The following BDP1 variants were observed in gnomAD, a reference collection of about 807,000 sequenced individuals.
BDP1 encodes BDP1 general transcription factor IIIB subunit, also known as transcription factor TFIIIB component B'' homolog.
In BDP1, 169 loss-of-function variants were observed where a neutral mutation model predicts 266.6. The observed-to-expected ratio is 0.63, with a 90% CI of 0.56 to 0.72. The LOEUF (loss-of-function observed/expected upper bound fraction) is 0.72. BDP1 is among the 30% of genes least tolerant of loss of function. The pLI is 0.00. For synonymous variants in BDP1, 1,090 were observed against 1,022.4 expected (o/e 1.07, Z -1.26); for missense variants, 3,015 against 3,053.8 (o/e 0.99, Z 0.30).
At chr5:71,550,438 A>G (rs1742663443) in intron 34 of BDP1, among the ~76,000 whole-genome samples, 1 of 148,792 alleles carries the variant, frequency 6.7e-6, no homozygotes, top group South Asian at 2.2e-4. Flanking sequence ...ACAGGTGCGC[A>G]CCACTGTGGT....
At chr5:71,512,516 A>G (rs557679798) in intron 18 of BDP1, 88 bp downstream of exon 18, 3 of 869,612 alleles carry the variant, frequency 3.4e-6, no homozygotes, top group South Asian at 5.0e-5. Flanking sequence ...TAACATATAC[A>G]GGATAGTGTT....
At chr5:71,564,472 G>T (rs1743902314) in intron 38 of BDP1, among the ~76,000 whole-genome samples, 1 of 151,938 alleles carries the variant, frequency 6.6e-6, no homozygotes, top group Non-Finnish European at 1.5e-5. Flanking sequence ...TATATCTAGT[G>T]TGGTATATTT....
chr5:71,506,272 A>G (rs1764570265), intron 16 of BDP1, among the ~76,000 whole-genome samples: 1 of 152,120 alleles, frequency 6.6e-6, no homozygotes, highest in Admixed American at 6.5e-5. Context: ...TTTCCTCTCC[A>G]TGGGCAGTGT....
At chr5:71,575,407 C>T in the BDP1 span, among the ~76,000 whole-genome samples, 22 of 152,172 alleles carry the variant, frequency 1.4e-4, no homozygotes, top group Non-Finnish European at 2.8e-4. Context: ...GAGAAGCTGA[C>T]GCAACTTCAG....
chr5:71,506,758 T>TTATATATATATATATATATATATA (rs67179518), intron 16 of BDP1, among the ~76,000 whole-genome samples: 36 of 135,858 alleles, frequency 2.6e-4, no homozygotes, highest in African/African-American at 9.5e-4. Flanking sequence ...GTTTGGAGGT[T>TTATATATATATATATATATATATA]TATATATATA....
chr5:71,456,581 C>A (rs1453985138), intron 1 of BDP1, among the ~76,000 whole-genome samples: 1 of 152,128 alleles, frequency 6.6e-6, no homozygotes, highest in Non-Finnish European at 1.5e-5. Context: ...GACCGTGTTT[C>A]CTGAATAGAG....
In BDP1 at chr5:71,560,107, A is replaced by G; in HGVS notation, c.7366A>G (p.Met2456Val). 1 of 1,614,188 alleles carries G rather than the reference A, an allele frequency of 6.2e-7. No homozygotes were observed. Among genetic ancestry groups the G allele is most frequent in the Non-Finnish European group, 8.5e-7 (1 of 1,180,014 alleles). ...SRGSRSPDAC[M>V]DKNVPQLPQD... The stretch of plus-strand genomic sequence containing the variant: ...AGGATCTAGATCTCCTGATGCATGC[A>G]TGGACAAGAATGTGCCTCAGTTACC... The change falls in exon 37 of 39, where the codon ATG (methionine) becomes GTG (valine). Residue 2456 changes from methionine to valine, a missense_variant. Met to Val is a conservative substitution (Grantham distance 21). Transcript: ENST00000358731.
chr5:71,485,008 C>T (rs1293061960), intron 8 of BDP1, among the ~76,000 whole-genome samples: 3 of 152,168 alleles, frequency 2.0e-5, no homozygotes, highest in African/African-American at 2.4e-5. Context: ...TTGTGCTCCT[C>T]AGCCCATTCC....
chr5:71,502,649 G>A lies in BDP1; in HGVS notation c.2099G>A (p.Arg700Lys), dbSNP rs1459740388. The A allele has an allele frequency of 1.9e-6, 3 of 1,613,932 alleles. No homozygotes were observed. Among genetic ancestry groups the A allele is most frequent in the Non-Finnish European group, 2.5e-6 (3 of 1,179,922 alleles). Residue 700 changes from arginine (R) to lysine (K), a missense_variant, in exon 15 of 39, where the codon AGA becomes AAA. Around this residue, in one of 3 missense-constraint regions of BDP1, gnomAD observed 2,383 missense variants for 2,404.9 expected, o/e 0.99. Coordinates refer to ENST00000358731, the MANE Select transcript of BDP1 (RefSeq NM_018429.3). The stretch of plus-strand genomic sequence containing the variant: ...GAAGGGAGTCAACTAAAGGCTTTAA[G>A]ACCTGTACAAGTGAGGGGCCGATTG... ...LQEGSQLKAL[R>K]PVQVRGRLQK...
intron 7 of BDP1, 99 bp downstream of exon 7, chr5:71,470,588 C>CTTTTT: frequency 3.3e-6 from 2 of 605,762 alleles, no homozygotes; most frequent in Admixed American, 3.9e-5. Context: ...CTTAGTTCAT[C>CTTTTT]TTTTTTTTTT....
chr5:71,539,695 C>A, intron 28 of BDP1, 46 bp downstream of exon 28: 2 of 1,348,316 alleles, frequency 1.5e-6, no homozygotes, highest in Non-Finnish European at 2.1e-6. Context: ...ACTTTTAAAA[C>A]CTAACTTAAG....
intron 10 of BDP1, 95 bp from the exon 11 acceptor site, chr5:71,490,889 T>C (rs1343783483): frequency 2.4e-6 from 3 of 1,245,388 alleles, no homozygotes; most frequent in Non-Finnish European, 3.2e-6. Context: ...CTTAAGGTTT[T>C]GTAGGAAAAG....
intron 22 of BDP1, among the ~76,000 whole-genome samples, chr5:71,521,460 T>C (rs1482609701): frequency 1.3e-5 from 2 of 151,720 alleles, no homozygotes; most frequent in African/African-American, 4.8e-5. Flanking sequence ...GCCCAGCTAA[T>C]TTTTTATTTT....
At chr5:71,569,550 T>C (rs1744197050), downstream of BDP1, among the ~76,000 whole-genome samples, 1 of 151,774 alleles carries the variant, frequency 6.6e-6, no homozygotes, top group Admixed American at 6.6e-5. Context: ...AGTTTGAGAC[T>C]AGCCTGGGCA....
chr5:71,523,054 G>A, intron 24 of BDP1, 105 bp downstream of exon 24: 2 of 760,340 alleles, frequency 2.6e-6, no homozygotes, highest in South Asian at 4.5e-5. Context: ...GAGTCCATTA[G>A]ACATGGGTAG....
chr5:71,461,503 A>C (rs1188016600), intron 2 of BDP1, among the ~76,000 whole-genome samples: 3 of 151,850 alleles, frequency 2.0e-5, no homozygotes. Flanking sequence ...AGTCCCAGCT[A>C]CTTGGGAGGC....
At chr5:71,503,144 G>A (rs564953631) in intron 15 of BDP1, among the ~76,000 whole-genome samples, 2 of 151,534 alleles carry the variant, frequency 1.3e-5, no homozygotes, top group Admixed American at 6.6e-5. Flanking sequence ...ACACCACCAC[G>A]CCTGGCTAAT....
At chr5:71,496,241 CA>C (rs34456179) in intron 12 of BDP1, among the ~76,000 whole-genome samples, 122 of 110,086 alleles carry the variant, frequency 1.1e-3, no homozygotes, top group Admixed American at 2.6e-3. Context: ...GACTCCATTT[CA>C]AAAAAAAAAA....
chr5:71,560,662 A>T (rs1236056831), intron 37 of BDP1, among the ~76,000 whole-genome samples: 1 of 152,166 alleles, frequency 6.6e-6, no homozygotes, highest in Non-Finnish European at 1.5e-5. Flanking sequence ...TCCCCATAAG[A>T]ATAAGTGTTG....
Sources: allele counts gnomAD v4.1 joint callset (sites outside exome capture counted in the v4.1 genomes callset), GRCh38; gene constraint gnomAD v4.1.1; regional missense constraint gnomAD v4.1.1; transcripts MANE v1.5; gene names NCBI Gene and HGNC (gene_info 2026-07-23, HGNC 2026-07-21).